The following ATP13A3 variants were observed in gnomAD, a reference collection of about 807,000 sequenced individuals.
The protein encoded by ATP13A3 is polyamine-transporting ATPase 13A3.
Under a neutral mutation model 158.1 loss-of-function variants are expected in ATP13A3, and 59 were observed. The observed-to-expected ratio is 0.37, with a 90% CI of 0.30 to 0.46. ATP13A3 has a LOEUF of 0.46. Ranked by LOEUF, ATP13A3 falls within the 20% of genes least tolerant of loss-of-function variation. The probability of loss-of-function intolerance (pLI) is 1.00; values close to 1 mark genes in which losing one functional copy is unlikely to be tolerated. For missense variants in ATP13A3, 1,166 were observed against 1,525.2 expected (o/e 0.76, Z 3.92); for synonymous variants, 491 against 504.3 (o/e 0.97, Z 0.35).
intron 3 of ATP13A3, 49 bp downstream of exon 3, chr3:194,462,091 C>G: frequency 6.4e-7 from 1 of 1,570,600 alleles, no homozygotes; most frequent in Non-Finnish European, 8.8e-7. Flanking sequence ...TAATAAATTG[C>G]AGAGATAAAG....
chr3:194,416,748 T>C (rs1233330362), intron 31 of ATP13A3, among the ~76,000 whole-genome samples: 3 of 152,174 alleles, frequency 2.0e-5, no homozygotes, highest in African/African-American at 7.2e-5. Flanking sequence ...CAGCTTGTAA[T>C]TACTTATATA....
At chr3:194,449,044 TACACACACACACACACACACACAC>T (rs146993933) in intron 11 of ATP13A3, among the ~76,000 whole-genome samples, 6 of 134,984 alleles carry the variant, frequency 4.4e-5, no homozygotes, top group South Asian at 2.5e-4. Context: ...GATCCACCCC[TACACACACACACACACACACACAC>T]ACACACACAC....
intron 30 of ATP13A3, among the ~76,000 whole-genome samples, chr3:194,423,910 A>C (rs921888863): frequency 2.0e-5 from 3 of 151,642 alleles, no homozygotes; most frequent in African/African-American, 7.3e-5. Context: ...CTTGCTTGCA[A>C]ACCAGTCTGA....
At chr3:194,483,450 T>C (rs796890756) in intron 2 of ATP13A3, among the ~76,000 whole-genome samples, 82 of 100,828 alleles carry the variant, frequency 8.1e-4, no homozygotes, top group African/African-American at 3.6e-3. Flanking sequence ...ACTAGCTGGG[T>C]GTGATGGTGC....
chr3:194,436,796 C>T (rs1339763499), intron 20 of ATP13A3, among the ~76,000 whole-genome samples: 2 of 152,066 alleles, frequency 1.3e-5, no homozygotes, highest in Non-Finnish European at 2.9e-5. Context: ...TGCAGTGACC[C>T]GAGACTTGCG....
intron 17 of ATP13A3, among the ~76,000 whole-genome samples, chr3:194,438,087 G>C (rs1264524118): frequency 1.3e-5 from 2 of 152,198 alleles, no homozygotes; most frequent in East Asian, 3.8e-4. Context: ...TTGAACGCAG[G>C]AGGCAGAGGT....
rs79586449 is a variant in ATP13A3 at position 194,485,842 on chromosome 3, G to A, written c.-88-7C>T. ...TCAGGGATGTCTGTCAGATCTATGG[G>A]AAGAGGAAACAATAAACACCTGTCA... On this transcript the variant is annotated splice_polypyrimidine_tract_variant and splice_region_variant and intron_variant, in intron 1 of 33. Coordinates refer to ENST00000645319, the MANE Select transcript of ATP13A3 (RefSeq NM_001367549.1). 5.3e-5 allele frequency: 8 copies of A among 152,312 alleles called. No individual in the cohort carries two copies. The highest frequency in any genetic ancestry group is 1.7e-4 in the African/African-American group (7 of 41,544). The allele number at this position is 152,312 out of a possible 1,614,324, so 9.4% of individuals were successfully genotyped here. A position where few individuals can be genotyped will look rare whatever the true frequency, so the allele number is the denominator to read the frequency against.
intron 2 of ATP13A3, among the ~76,000 whole-genome samples, chr3:194,483,637 A>C (rs1179467652): frequency 6.6e-6 from 1 of 152,158 alleles, no homozygotes; most frequent in Non-Finnish European, 1.5e-5. Flanking sequence ...CTCTCTCCAT[A>C]GGCCAATTAG....
intron 21 of ATP13A3, chr3:194,432,149 A>T: frequency 2.6e-6 from 1 of 383,174 alleles, no homozygotes; most frequent in Non-Finnish European, 4.6e-6. Context: ...ATAATTCTCA[A>T]TCTTTTCCAG....
intron 2 of ATP13A3, among the ~76,000 whole-genome samples, chr3:194,478,565 G>A (rs1379195081): frequency 6.6e-6 from 1 of 152,146 alleles, no homozygotes; most frequent in Non-Finnish European, 1.5e-5. Flanking sequence ...TAAACTGACT[G>A]GTGCACGGGG....
intron 31 of ATP13A3, among the ~76,000 whole-genome samples, chr3:194,414,091 C>CA (rs1164778566): frequency 3.9e-5 from 6 of 152,110 alleles, no homozygotes; most frequent in African/African-American, 1.4e-4. Flanking sequence ...CCTGTTCACT[C>CA]AGATTCAAAA....
Position 194,430,101 on chromosome 3 carries a change from A to C in ATP13A3, c.2748T>G (p.Pro916=), listed in dbSNP as rs1237844745. ...TAAGGTTTGGCACACAGGAAATACT[A>C]GGAGTCTTAGAGGTAAAGGGAGATG... ...SVASPFTSKT[P]SISCVPNLIR... is the part of the protein sequence containing the mutation. Residue 916 remains proline, a synonymous_variant, in exon 26 of 34, where the codon CCT becomes CCG. Transcript: ENST00000645319. 1 of 1,614,040 alleles carries C rather than the reference A, an allele frequency of 6.2e-7. No homozygotes were observed. The highest frequency in any genetic ancestry group is 8.5e-7 in the Non-Finnish European group (1 of 1,180,008).
chr3:194,460,588 G>T, intron 4 of ATP13A3, 70 bp downstream of exon 4: 10 of 1,451,326 alleles, frequency 6.9e-6, no homozygotes, highest in South Asian at 5.5e-5. Flanking sequence ...CTATTATTTC[G>T]AATAAAGTAT....
intron 2 of ATP13A3, among the ~76,000 whole-genome samples, chr3:194,475,036 C>T (rs189257220): frequency 1.7e-4 from 26 of 151,704 alleles, no homozygotes; most frequent in African/African-American, 5.8e-4. Context: ...TAGCGCAGCA[C>T]GGTGGAGAGG....
intron 31 of ATP13A3, 194 bp downstream of exon 31, chr3:194,419,685 G>T: frequency 1.3e-6 from 1 of 748,086 alleles, no homozygotes; most frequent in Non-Finnish European, 1.6e-6. Context: ...AAATGAAAAC[G>T]GCACCAGAAG....
At chr3:194,476,841 T>C (rs1488420008) in intron 2 of ATP13A3, among the ~76,000 whole-genome samples, 1 of 151,516 alleles carries the variant, frequency 6.6e-6, no homozygotes. Flanking sequence ...TAGCAAAGTT[T>C]TGAAGTCTTA....
At chr3:194,415,755 C>T (rs1715807067) in intron 31 of ATP13A3, among the ~76,000 whole-genome samples, 1 of 149,400 alleles carries the variant, frequency 6.7e-6, no homozygotes, top group South Asian at 2.1e-4. Flanking sequence ...CTGCAAGCTC[C>T]GCCTCCCGGG....
At position 194,428,406 on chromosome 3, in the gene ATP13A3, G is replaced by A. The variant is rs114108213; in HGVS notation, c.2947+439C>T. 6.4e-3 allele frequency among the ~76,000 whole-genome samples: 978 copies of A among 152,170 alleles called. 3 individuals carry two copies. The highest frequency in any genetic ancestry group is 0.024 in the Middle Eastern group (7 of 294). ...GCACCCCAAAGGAGCATCTGGCAAT[G>A]TCTGGAGATATTTTTTGTTCTAATC... On this transcript the variant is annotated intron_variant, in intron 28 of 33. Coordinates refer to ENST00000645319, the MANE Select transcript of ATP13A3 (RefSeq NM_001367549.1).
intron 31 of ATP13A3, among the ~76,000 whole-genome samples, chr3:194,419,569 G>A (rs1293629165): frequency 6.6e-6 from 1 of 152,138 alleles, no homozygotes; most frequent in South Asian, 2.1e-4. Context: ...AGCATGTGTA[G>A]ACTACTCAAG....
Sources: allele counts gnomAD v4.1 joint callset (sites outside exome capture counted in the v4.1 genomes callset), GRCh38; gene constraint gnomAD v4.1.1; transcripts MANE v1.5; gene names NCBI Gene and HGNC (gene_info 2026-07-23, HGNC 2026-07-21).